The following CUL2 variants were observed in gnomAD, a reference collection of about 807,000 sequenced individuals.
CUL2 encodes the protein cullin-2.
A neutral mutation model predicts 110.2 loss-of-function variants in CUL2; 22 were observed. The ratio of observed to expected loss-of-function variants is 0.20; its 90% CI spans 0.14 to 0.28. The LOEUF (loss-of-function observed/expected upper bound fraction) is 0.28, where lower values mean the gene tolerates loss of function less well. Among genes scored for constraint, CUL2 ranks in the 10% least tolerant of loss-of-function variants. The probability of loss-of-function intolerance (pLI) is 1.00; values close to 1 mark genes in which losing one functional copy is unlikely to be tolerated. For missense variants in CUL2, 631 were observed against 905.5 expected (o/e 0.70, Z 3.89); for synonymous variants, 279 against 293.2 (o/e 0.95, Z 0.49).
intron 8 of CUL2, among the ~76,000 whole-genome samples, chr10:35,040,191 GTAAA>G (rs1384379425): frequency 1.3e-5 from 2 of 152,072 alleles, no homozygotes; most frequent in Non-Finnish European, 1.5e-5. Context: ...AAATTTGAAA[GTAAA>G]TATAATTTAG....
At position 35,071,090 on chromosome 10, in the gene CUL2, T is replaced by C. The variant is rs1020824525; in HGVS notation, c.119+109A>G. The C allele has an allele frequency of 6.9e-5, 73 of 1,050,618 alleles. 2 individuals carry two copies. The South Asian group carries it at 1.1e-3, about 16-fold the overall frequency. 65.1% of individuals were successfully genotyped at this position (1,050,618 alleles called of 1,614,324 possible). ...ACTTGGAAATGTAGATGATAATATA[T>C]TAGAAAATAGTTACATGGGAAAGTT... On this transcript the variant is annotated intron_variant, in intron 2 of 20. Coordinates refer to ENST00000374749, the MANE Select transcript of CUL2 (RefSeq NM_003591.4).
chr10:35,082,416 T>C (rs1168521357), intron 1 of CUL2, among the ~76,000 whole-genome samples: 2 of 152,190 alleles, frequency 1.3e-5, no homozygotes, highest in African/African-American at 4.8e-5. Context: ...GGGGAGCTAC[T>C]GCCTAATGGT....
chr10:35,086,858 A>G (rs1403032101), intron 1 of CUL2, among the ~76,000 whole-genome samples: 3 of 152,174 alleles, frequency 2.0e-5, no homozygotes, highest in Non-Finnish European at 4.4e-5. Flanking sequence ...ACTATTTAAC[A>G]CTCTAAAAAA....
intron 1 of CUL2, among the ~76,000 whole-genome samples, chr10:35,071,950 A>G (rs1169147745): frequency 1.3e-5 from 2 of 152,202 alleles, no homozygotes; most frequent in Non-Finnish European, 1.5e-5. Context: ...TGCGAGGGAA[A>G]GAAACGGGGA....
intron 5 of CUL2, among the ~76,000 whole-genome samples, chr10:35,054,181 GT>G (rs2086185818): frequency 6.6e-6 from 1 of 152,094 alleles, no homozygotes; most frequent in South Asian, 2.1e-4. Flanking sequence ...TTGTTTCTGA[GT>G]TTTTTCACAA....
At chr10:35,023,241 T>C (rs2085248678) in intron 17 of CUL2, among the ~76,000 whole-genome samples, 1 of 152,172 alleles carries the variant, frequency 6.6e-6, no homozygotes, top group African/African-American at 2.4e-5. Context: ...AATTGTATCT[T>C]ATCAAAGTTG....
chr10:35,064,590 A>G (rs2086468812), intron 2 of CUL2, among the ~76,000 whole-genome samples: 1 of 152,162 alleles, frequency 6.6e-6, no homozygotes, highest in African/African-American at 2.4e-5. Context: ...TGCTCCATTT[A>G]CCTAGCATCC....
chr10:35,090,183 T>G lies in CUL2; in HGVS notation c.-27A>C, dbSNP rs1300127103. 6.5e-6 allele frequency: 1 copy of G among 152,776 alleles called. No homozygotes were observed. Among genetic ancestry groups the G allele is most frequent in the Non-Finnish European group, 1.5e-5 (1 of 68,086 alleles). The allele number at this position is 152,776 out of a possible 1,614,324, so 9.5% of individuals were successfully genotyped here. A position where few individuals can be genotyped will look rare whatever the true frequency, so the allele number is the denominator to read the frequency against. ...CCCGACCCTCAGCGGGGTTACCTTCTGCAGAAGCAGGGCAAGGGGCAGGGG... is the reference window on the plus strand; with the variant it reads ...CCCGACCCTCAGCGGGGTTACCTTCGGCAGAAGCAGGGCAAGGGGCAGGGG... On this transcript the variant is annotated 5_prime_UTR_variant, in exon 1 of 21. Transcript: ENST00000374749.
At chr10:35,059,105 C>T (rs1468938399) in intron 4 of CUL2, among the ~76,000 whole-genome samples, 2 of 152,208 alleles carry the variant, frequency 1.3e-5, no homozygotes, top group South Asian at 4.1e-4. Flanking sequence ...GAGACAGAAT[C>T]TACTCCTAAT....
chr10:35,078,151 A>C (rs1429009559), intron 1 of CUL2, among the ~76,000 whole-genome samples: 1 of 152,176 alleles, frequency 6.6e-6, no homozygotes, highest in East Asian at 1.9e-4. Flanking sequence ...TTAGGTTTCC[A>C]AAGTTGTAGG....
intron 16 of CUL2, among the ~76,000 whole-genome samples, chr10:35,027,537 T>C (rs2085367553): frequency 6.6e-6 from 1 of 152,214 alleles, no homozygotes; most frequent in Non-Finnish European, 1.5e-5. Context: ...TAAAATAAAT[T>C]ACTTTTAATT....
intron 6 of CUL2, among the ~76,000 whole-genome samples, chr10:35,046,935 A>G (rs1335104472): frequency 6.6e-6 from 1 of 151,762 alleles, no homozygotes; most frequent in African/African-American, 2.4e-5. Flanking sequence ...AACAAAAACA[A>G]AAAACTGGGT....
chr10:35,102,876 C>A (rs1279049173), intron 1 of CUL2, among the ~76,000 whole-genome samples: 1 of 148,204 alleles, frequency 6.7e-6, no homozygotes, highest in African/African-American at 2.5e-5. Flanking sequence ...GAGTGAGACT[C>A]TGTCTCAGAA....
At chr10:35,030,263 T>C (rs946670756) in intron 14 of CUL2, among the ~76,000 whole-genome samples, 2 of 152,260 alleles carry the variant, frequency 1.3e-5, no homozygotes, top group African/African-American at 4.8e-5. Flanking sequence ...TTTAATAGCA[T>C]CTACTGAGTG....
chr10:35,125,987 T>C (rs1432877868), intron 1 of CUL2, among the ~76,000 whole-genome samples: 1 of 152,036 alleles, frequency 6.6e-6, no homozygotes, highest in Non-Finnish European at 1.5e-5. Context: ...CTGCCACCAC[T>C]CCTAGCTAAT....
intron 4 of CUL2, among the ~76,000 whole-genome samples, chr10:35,058,115 T>C (rs1349446117): frequency 6.6e-6 from 1 of 152,096 alleles, no homozygotes; most frequent in African/African-American, 2.4e-5. Context: ...TAATAAAATT[T>C]TTAAAAAAAG....
intron 1 of CUL2, chr10:35,118,368 T>C (rs2087634039): frequency 1.3e-5 from 2 of 152,222 alleles, no homozygotes; most frequent in Admixed American, 1.3e-4. Flanking sequence ...CCTTCCACAT[T>C]TCTTAACTCT....
chr10:35,051,685 A>C (rs981151749), intron 5 of CUL2, among the ~76,000 whole-genome samples: 3 of 152,234 alleles, frequency 2.0e-5, no homozygotes, highest in African/African-American at 4.8e-5. Flanking sequence ...TGAAGCTGGG[A>C]ATTCTTTAAT....
In CUL2 at chr10:35,063,026, G is replaced by A; in HGVS notation, c.156C>T (p.Pro52=). ...TTTCTGTATAAAGTCTTTCTCCAAG[G>A]GGTTCAGGATAGGCCACACATAAAG... ...IYALCVAYPE[P]LGERLYTETK... The change falls in exon 3 of 21, where the codon CCC becomes CCT. Residue 52 remains proline (P), a synonymous_variant. Coordinates refer to ENST00000374749, the MANE Select transcript of CUL2 (RefSeq NM_003591.4). 7 of 1,610,662 alleles carry A rather than the reference G, an allele frequency of 4.3e-6. No homozygotes were observed. The highest frequency in any genetic ancestry group is 5.9e-6 in the Non-Finnish European group (7 of 1,177,248).
Sources: allele counts gnomAD v4.1 joint callset (sites outside exome capture counted in the v4.1 genomes callset), GRCh38; gene constraint gnomAD v4.1.1; transcripts MANE v1.5; gene names NCBI Gene and HGNC (gene_info 2026-07-23, HGNC 2026-07-21).